Variants in IPO5 observed in about 807,000 individuals in gnomAD.
IPO5 encodes the protein importin 5.
Under a neutral mutation model 143.3 loss-of-function variants are expected in IPO5, and 18 were observed. The ratio of observed to expected loss-of-function variants is 0.13; its 90% CI spans 0.09 to 0.19. The LOEUF (loss-of-function observed/expected upper bound fraction) is 0.19. IPO5 is among the 10% of genes least tolerant of loss of function. The probability of loss-of-function intolerance (pLI) is 1.00; values close to 1 mark genes in which losing one functional copy is unlikely to be tolerated. For synonymous variants in IPO5, 477 were observed against 465.7 expected, an observed-to-expected ratio of 1.02 and a Z score of -0.31; for missense variants, 1,013 against 1,336.9, an observed-to-expected ratio of 0.76 and a Z score of 3.78.
In IPO5 at chr13:97,990,420, C is replaced by G; in HGVS notation, c.565-13C>G. 1 of 1,558,436 alleles carries G rather than the reference C, an allele frequency of 6.4e-7. No individual in the cohort carries two copies. The highest frequency in any genetic ancestry group is 8.7e-7 in the Non-Finnish European group (1 of 1,144,688). On this transcript the variant is annotated splice_polypyrimidine_tract_variant and intron_variant, in intron 8 of 28. Coordinates refer to ENST00000651721, the MANE Select transcript of IPO5 (RefSeq NM_002271.6). ...AATTTCTCATGTTTGACATTTTTTC[C>G]TCTTGATTTTAGATCAGGACGTTAT...
At chr13:98,005,172 C>T (rs947758542) in intron 16 of IPO5, among the ~76,000 whole-genome samples, 21 of 149,750 alleles carry the variant, frequency 1.4e-4, no homozygotes, top group Non-Finnish European at 2.4e-4. Flanking sequence ...GCTGGGATTA[C>T]AGGTGTGAGT....
At position 97,953,981 on chromosome 13, in the gene IPO5, T is replaced by TCC. The variant is rs1566425429; in HGVS notation, c.-192-138_-192-137insCC. 18 of 449,758 alleles carry TCC rather than the reference T, an allele frequency of 4.0e-5. No homozygotes were observed. In the Admixed American group the frequency reaches 4.3e-4, roughly 11 times the overall value. The allele number at this position is 449,758 out of a possible 1,614,324, so 27.9% of individuals were successfully genotyped here. A position where few individuals can be genotyped will look rare whatever the true frequency, so the allele number is the denominator to read the frequency against. On this transcript the variant is annotated intron_variant, in intron 1 of 28. Coordinates refer to ENST00000651721, the MANE Select transcript of IPO5 (RefSeq NM_002271.6). ...CTCATTGTTCTTTGGTATTGTGCCT[T>TCC]ACGTGAGCTGGGGACTAACTCTGTA...
At chr13:98,011,200 AAAT>A (rs1332296160) in intron 20 of IPO5, among the ~76,000 whole-genome samples, 1 of 152,218 alleles carries the variant, frequency 6.6e-6, no homozygotes, top group Admixed American at 6.5e-5. Flanking sequence ...AAGCAAATAC[AAAT>A]AATAACATCT....
chr13:97,981,248 A>G (rs182169335), intron 4 of IPO5: 22 of 456,176 alleles, frequency 4.8e-5, no homozygotes, highest in African/African-American at 4.2e-4. Context: ...CCAGACAGAT[A>G]TGTTTGAAAA....
At chr13:98,021,521 G>A (rs1167849791) in intron 28 of IPO5, 9 of 401,546 alleles carry the variant, frequency 2.2e-5, no homozygotes, top group African/African-American at 1.6e-4. Context: ...CCTGCTTAGT[G>A]TAGCTTTTTC....
intron 2 of IPO5, 45 bp downstream of exon 2, chr13:97,954,243 G>A (rs564902816): frequency 6.5e-6 from 1 of 154,852 alleles, no homozygotes; most frequent in African/African-American, 2.4e-5. Flanking sequence ...TCTTCACTGT[G>A]AATTCTATTC....
intron 2 of IPO5, among the ~76,000 whole-genome samples, chr13:97,968,095 T>C (rs567084652): frequency 1.7e-4 from 26 of 152,312 alleles, no homozygotes; most frequent in African/African-American, 5.8e-4. Flanking sequence ...AGCACTGTGA[T>C]TAGAGACATG....
At chr13:97,965,355 A>T (rs572941378) in intron 2 of IPO5, among the ~76,000 whole-genome samples, 60 of 151,898 alleles carry the variant, frequency 4.0e-4, no homozygotes, top group Middle Eastern at 3.4e-3. Context: ...CTGAAAAATT[A>T]AAAAAAAATC....
At chr13:97,962,784 A>C (rs1383264068) in intron 2 of IPO5, among the ~76,000 whole-genome samples, 1 of 151,336 alleles carries the variant, frequency 6.6e-6, no homozygotes, top group African/African-American at 2.4e-5. Flanking sequence ...GTGCCACTGC[A>C]CTCCAGCCTG....
rs142133199 is a variant in IPO5 at position 98,002,820 on chromosome 13, G to A, written c.1324-44G>A. ...ACTTAAATCAGACTTTAGGAAGAAGGGTGGACATTTCAACATGTGTGCCCA... is the reference window on the plus strand; with the variant it reads ...ACTTAAATCAGACTTTAGGAAGAAGAGTGGACATTTCAACATGTGTGCCCA... On this transcript the variant is annotated intron_variant, in intron 15 of 28. Coordinates refer to ENST00000651721, the MANE Select transcript of IPO5 (RefSeq NM_002271.6). 66 of 1,598,678 alleles carry A rather than the reference G, an allele frequency of 4.1e-5. No individual in the cohort carries two copies. In the African/African-American group the frequency reaches 8.7e-4, roughly 21 times the overall value.
intron 3 of IPO5, chr13:97,976,036 G>A: frequency 1.1e-6 from 1 of 873,708 alleles, no homozygotes; most frequent in African/African-American, 1.8e-5. Context: ...GCCTTCCTGG[G>A]GGTGGGTGAA....
chr13:97,992,961 G>A lies in IPO5; in HGVS notation c.739G>A (p.Val247Ile). 7 of 1,613,358 alleles carry A rather than the reference G, an allele frequency of 4.3e-6. No individual in the cohort carries two copies. The highest frequency in any genetic ancestry group is 5.9e-6 in the Non-Finnish European group (7 of 1,179,324). ...LKSLVEIADT[V>I]PKYLRPHLEA... The stretch of plus-strand genomic sequence containing the variant: ...ATCCCTCGTTGAGATTGCAGATACT[G>A]TTCCAAAGTATTTGCGTCCTCACTT... The change falls in exon 10 of 29, where the codon GTT (valine) becomes ATT (isoleucine). Residue 247 changes from valine to isoleucine, a missense_variant. Val to Ile is a conservative substitution (Grantham distance 29, BLOSUM62 3). Coordinates refer to ENST00000651721, the MANE Select transcript of IPO5 (RefSeq NM_002271.6).
At chr13:97,985,664 T>A (rs1426532738) in intron 6 of IPO5, 51 bp downstream of exon 6, 1 of 58,680 alleles carries the variant, frequency 1.7e-5, no homozygotes, top group Non-Finnish European at 3.1e-5. Context: ...ATATCCTTCC[T>A]TTTTTTTTTT....
At chr13:97,995,709 A>C (rs1051150321) in intron 11 of IPO5, among the ~76,000 whole-genome samples, 2 of 152,092 alleles carry the variant, frequency 1.3e-5, no homozygotes, top group African/African-American at 4.8e-5. Flanking sequence ...GAGCCGAGAT[A>C]CCGCCACTGC....
chr13:98,007,095 TCTC>T (rs980069462), intron 17 of IPO5, among the ~76,000 whole-genome samples: 25 of 151,844 alleles, frequency 1.6e-4, no homozygotes, highest in African/African-American at 5.3e-4. Context: ...CTAGCCCTGA[TCTC>T]CTGACCTCAA....
At chr13:97,973,038 C>CT (rs34572861) in intron 3 of IPO5, among the ~76,000 whole-genome samples, 75 of 76,188 alleles carry the variant, frequency 9.8e-4, no homozygotes, top group East Asian at 2.0e-3. Context: ...CTTTTATCTT[C>CT]TTTTTTTTTT....
intron 2 of IPO5, among the ~76,000 whole-genome samples, chr13:97,964,479 G>T (rs1429229505): frequency 8.2e-6 from 1 of 122,274 alleles, no homozygotes; most frequent in Non-Finnish European, 1.6e-5. Flanking sequence ...AATGAGTCTC[G>T]CTCTGTCACC....
Position 97,978,213 on chromosome 13 carries a change from C to G in IPO5, c.90+1427C>G, listed in dbSNP as rs1886545598. Among the ~76,000 whole-genome samples, 5 of 152,264 alleles carry G rather than the reference C, an allele frequency of 3.3e-5. No individual in the cohort carries two copies. In the South Asian group the frequency reaches 8.3e-4, roughly 25 times the overall value. ...GGTGACCGCTTGTGTCGTGAATCTT[C>G]GCTGAAAATTTAACATACACATTCA... On this transcript the variant is annotated intron_variant, in intron 4 of 28. Coordinates refer to ENST00000651721, the MANE Select transcript of IPO5 (RefSeq NM_002271.6).
intron 28 of IPO5, chr13:98,021,459 A>G: frequency 5.7e-6 from 2 of 352,626 alleles, no homozygotes; most frequent in East Asian, 8.8e-5. Flanking sequence ...AAAACTTTAT[A>G]TGATTTTTAC....
Sources: allele counts gnomAD v4.1 joint callset (sites outside exome capture counted in the v4.1 genomes callset), GRCh38; gene constraint gnomAD v4.1.1; transcripts MANE v1.5; gene names NCBI Gene and HGNC (gene_info 2026-07-23, HGNC 2026-07-21).